MYT1: variants seen among roughly 807,000 people sequenced by gnomAD.
The protein encoded by MYT1 is myelin transcription factor I.
A neutral mutation model predicts 123.0 loss-of-function variants in MYT1; 23 were observed. That is an observed-to-expected ratio of 0.19 (90% confidence interval 0.13 to 0.26). The LOEUF is 0.26. Among genes scored for constraint, MYT1 ranks in the 10% least tolerant of loss-of-function variants. The pLI is 1.00. For synonymous variants in MYT1, 518 were observed against 575.3 expected, an observed-to-expected ratio of 0.90 and a Z score of 1.43; for missense variants, 1,125 against 1,472.5, an observed-to-expected ratio of 0.76 and a Z score of 3.86.
rs1015529940 is a variant in MYT1, at chr20:64,213,492, T to C, written c.1518-42T>C. 3 of 1,514,596 alleles carry C rather than the reference T, an allele frequency of 2.0e-6. No homozygotes were observed. In the Admixed American group the frequency reaches 5.0e-5, roughly 25 times the overall value. 93.8% of individuals were successfully genotyped at this position (1,514,596 alleles called of 1,614,324 possible). ...ACAGACACCCAGGACAGGACAGGCA[T>C]GGAGGGGAAGGCTCAGAAACCCCTC... On this transcript the variant is annotated intron_variant, in intron 9 of 22. Transcript: ENST00000328439. This position sits in a 1 kb window ranked among gnomAD's most constrained non-coding sequence, Gnocchi z 5.6.
Position 64,207,660 on chromosome 20 carries a change from G to A in MYT1, c.464G>A (p.Gly155Asp), listed in dbSNP as rs779215372. 3 of 1,613,920 alleles carry A rather than the reference G, an allele frequency of 1.9e-6. No homozygotes were observed. The African/African-American group carries it at 4.0e-5, about 22-fold the overall frequency. The change falls in exon 7 of 23, where the codon GGC becomes GAC. Residue 155 changes from glycine (G) to aspartate (D), a missense_variant. By Grantham distance (94) the Gly-to-Asp change is moderately conservative. Transcript: ENST00000328439. ...PIGSATASSKGSYSSYQGIIA... is the reference protein window; with the variant it reads ...PIGSATASSKDSYSSYQGIIA... The stretch of plus-strand genomic sequence containing the variant: ...GGCAGCGCCACTGCCTCCTCCAAGG[G>A]CAGCTACAGCAGCTACCAGGGAATC...
chr20:64,229,444 T>TA (rs894348637), intron 18 of MYT1, among the ~76,000 whole-genome samples: 5 of 151,548 alleles, frequency 3.3e-5, no homozygotes, highest in African/African-American at 9.7e-5. Flanking sequence ...AACTGAGCTT[T>TA]AAAAAAAAAC....
intron 1 of MYT1, among the ~76,000 whole-genome samples, chr20:64,188,439 T>C (rs1982873227): frequency 6.6e-6 from 1 of 152,140 alleles, no homozygotes; most frequent in Non-Finnish European, 1.5e-5. Context: ...TTCTGCAGCA[T>C]CTTGTCTCCT....
chr20:64,167,678 C>T lies in MYT1; in HGVS notation c.-99+2939C>T, dbSNP rs933294347. Among the ~76,000 whole-genome samples the T allele has an allele frequency of 2.6e-5, 4 of 152,164 alleles. No individual in the cohort carries two copies. The highest frequency in any genetic ancestry group is 4.8e-5 in the African/African-American group (2 of 41,440). ...GCCTGTTCTCTTGTAGGAACCTGGG[C>T]GGGAGAGTGGAGCAGGGTGCCCGCA... On this transcript the variant is annotated intron_variant, in intron 1 of 22. Transcript: ENST00000328439. The surrounding 1 kb of genome is among the most constrained non-coding windows in gnomAD (Gnocchi z 6.3).
At chr20:64,179,638 C>T (rs978888561) in intron 1 of MYT1, among the ~76,000 whole-genome samples, 6 of 152,096 alleles carry the variant, frequency 3.9e-5, no homozygotes, top group African/African-American at 1.2e-4. Context: ...AGTACAGAGG[C>T]TCCTGCAGCC....
In MYT1 at chr20:64,231,976, C is replaced by G. The variant is rs1328288311; in HGVS notation, c.2676-188C>G. ...GCGGAAGAGGGAGCGTGGCCCGGGTCTTCACACTCAGCCCGGAAGGGCCAG... is the reference window on the plus strand; with the variant it reads ...GCGGAAGAGGGAGCGTGGCCCGGGTGTTCACACTCAGCCCGGAAGGGCCAG... On this transcript the variant is annotated intron_variant, in intron 18 of 22. Coordinates refer to ENST00000328439, the MANE Select transcript of MYT1 (RefSeq NM_004535.3). This position sits in a 1 kb window ranked among gnomAD's most constrained non-coding sequence, Gnocchi z 6.4. Among the ~76,000 whole-genome samples the G allele has an allele frequency of 2.6e-5, 4 of 152,202 alleles. No individual in the cohort carries two copies. Among genetic ancestry groups the G allele is most frequent in the African/African-American group, 9.7e-5 (4 of 41,446 alleles).
chr20:64,215,111 A>T (rs1983796915), intron 10 of MYT1, among the ~76,000 whole-genome samples: 1 of 151,908 alleles, frequency 6.6e-6, no homozygotes, highest in Non-Finnish European at 1.5e-5. Flanking sequence ...CCTCTATCTT[A>T]TTTGCTGTTC....
rs1983391486 is a variant in MYT1 at position 64,203,649 on chromosome 20, C to T, written c.87-1386C>T. On this transcript the variant is annotated intron_variant, in intron 4 of 22. Coordinates refer to ENST00000328439, the MANE Select transcript of MYT1 (RefSeq NM_004535.3). The surrounding 1 kb of genome is among the most constrained non-coding windows in gnomAD (Gnocchi z 5.1). ...CTGCAGAGAACATCCCCCTCCCCCA[C>T]CCCATGGCTGCTGTTGAGCCAGGGG... is the stretch of plus-strand genomic sequence containing the variant. 6.6e-6 allele frequency among the ~76,000 whole-genome samples: 1 copy of T among 152,184 alleles called. No individual in the cohort carries two copies. Among genetic ancestry groups the T allele is most frequent in the Admixed American group, 6.5e-5 (1 of 15,280 alleles).
At chr20:64,181,006 A>G (rs983619867) in intron 1 of MYT1, among the ~76,000 whole-genome samples, 1 of 152,328 alleles carries the variant, frequency 6.6e-6, no homozygotes, top group Non-Finnish European at 1.5e-5. Flanking sequence ...CATAGAGGAC[A>G]TGCCCTGAAG....
chr20:64,199,836 T>C lies in MYT1; in HGVS notation c.56-56T>C. 2 of 1,587,246 alleles carry C rather than the reference T, an allele frequency of 1.3e-6. 1 individual carries two copies. The highest frequency in any genetic ancestry group is 2.7e-5 in the African/African-American group (2 of 74,428). ...AACTTAGTTTATGCTGTTAGGGCAA[T>C]GAGCCTTTAAAATCACAATTCCCAC... On this transcript the variant is annotated intron_variant, in intron 3 of 22. Coordinates refer to ENST00000328439, the MANE Select transcript of MYT1 (RefSeq NM_004535.3).
Position 64,235,738 on chromosome 20 carries a change from G to A in MYT1, c.2898-817G>A, listed in dbSNP as rs374431429. Among the ~76,000 whole-genome samples, 119 of 129,218 alleles carry A rather than the reference G, an allele frequency of 9.2e-4. 7 individuals carry two copies. In the South Asian group the frequency reaches 0.031, roughly 34 times the overall value. The allele number at this position is 129,218 out of a possible 152,430, so 84.8% of individuals were successfully genotyped here. On this transcript the variant is annotated intron_variant, in intron 19 of 22. Coordinates refer to ENST00000328439, the MANE Select transcript of MYT1 (RefSeq NM_004535.3). Reference sequence around the variant, plus strand: ...CGTGGTGGGTGACCCTTGGCTGGCTGTGGTGGGTGACCCTTGGATGGCTGT... The same window carrying A: ...CGTGGTGGGTGACCCTTGGCTGGCTATGGTGGGTGACCCTTGGATGGCTGT...
rs576974445 is a variant in MYT1 at position 64,180,068 on chromosome 20, C to T, written c.-98-9995C>T. 1.1e-4 allele frequency among the ~76,000 whole-genome samples: 16 copies of T among 151,642 alleles called. No homozygotes were observed. The East Asian group carries it at 1.2e-3, about 11-fold the overall frequency. On this transcript the variant is annotated intron_variant, in intron 1 of 22. Coordinates refer to ENST00000328439, the MANE Select transcript of MYT1 (RefSeq NM_004535.3). ...CAGTCACACACAGTTACACACCACA[C>T]GCAGTTACACACACATGCTACACAC...
chr20:64,211,984 C>T, intron 8 of MYT1, 64 bp from the exon 9 acceptor site: 1 of 1,411,774 alleles, frequency 7.1e-7, no homozygotes, highest in South Asian at 1.2e-5. Context: ...GTGCTCCCCA[C>T]ACAGCTGGCG....
intron 3 of MYT1, among the ~76,000 whole-genome samples, chr20:64,199,305 T>G (rs764782095): frequency 1.3e-5 from 2 of 152,148 alleles, no homozygotes; most frequent in African/African-American, 4.8e-5. Context: ...GAGCTGGAAG[T>G]GCAGTGGGAG....
rs901895166 is a variant in MYT1 at position 64,192,085 on chromosome 20, G to A, written c.-1+1925G>A. ...TTTTGTCTCCCCCTGGCCCAGACAT[G>A]ACAAACTCAGAGAGTTTGGGACCTA... On this transcript the variant is annotated intron_variant, in intron 2 of 22. Coordinates refer to ENST00000328439, the MANE Select transcript of MYT1 (RefSeq NM_004535.3). The surrounding 1 kb of genome is among the most constrained non-coding windows in gnomAD (Gnocchi z 5.3). 1.3e-5 allele frequency among the ~76,000 whole-genome samples: 2 copies of A among 152,156 alleles called. No individual in the cohort carries two copies. The highest frequency in any genetic ancestry group is 2.9e-5 in the Non-Finnish European group (2 of 68,038).
At chr20:64,165,045 C>A (rs1982041280) in intron 1 of MYT1, among the ~76,000 whole-genome samples, 1 of 152,026 alleles carries the variant, frequency 6.6e-6, no homozygotes, top group South Asian at 2.1e-4. Context: ...GAGCGCATAT[C>A]AAAACCAGAA....
At chr20:64,169,784 G>C (rs978379071) in intron 1 of MYT1, among the ~76,000 whole-genome samples, 1 of 152,178 alleles carries the variant, frequency 6.6e-6, no homozygotes, top group Non-Finnish European at 1.5e-5. Flanking sequence ...AGGTCGTAAG[G>C]GGCAGAGAAA....
At chr20:64,214,613 A>G (rs1384391427) in intron 10 of MYT1, among the ~76,000 whole-genome samples, 1 of 152,170 alleles carries the variant, frequency 6.6e-6, no homozygotes, top group Non-Finnish European at 1.5e-5. Context: ...CGAAGAGGAC[A>G]CTTCCACTGC....
rs543268125 is a variant in MYT1 at position 64,218,037 on chromosome 20, G to A, written c.1846+756G>A. Among the ~76,000 whole-genome samples the A allele has an allele frequency of 6.6e-6, 1 of 152,320 alleles. No homozygotes were observed. The highest frequency in any genetic ancestry group is 2.1e-4 in the South Asian group (1 of 4,822). On this transcript the variant is annotated intron_variant, in intron 11 of 22. Coordinates refer to ENST00000328439, the MANE Select transcript of MYT1 (RefSeq NM_004535.3). This position sits in a 1 kb window ranked among gnomAD's most constrained non-coding sequence, Gnocchi z 4.0. The stretch of plus-strand genomic sequence containing the variant: ...AGATGTTGTCAGCCCCAAACATGAC[G>A]TGACGAGTTTCCTACATGAGAATAA...
Sources: gnomAD v4.1 joint callset for allele counts (sites outside exome capture counted in the v4.1 genomes callset) on GRCh38, gnomAD v4.1.1 for gene constraint, Gnocchi (gnomAD v3.1) non-coding constraint, MANE v1.5 for transcripts, NCBI Gene and HGNC (gene_info 2026-07-23, HGNC 2026-07-21) for gene names.